The following TG variants were observed in gnomAD, a reference collection of about 807,000 sequenced individuals.
The protein encoded by TG is thyroglobulin.
In TG, 270 loss-of-function variants were observed where a neutral mutation model predicts 324.7. The ratio of observed to expected loss-of-function variants is 0.83; its 90% CI spans 0.75 to 0.92. The LOEUF (loss-of-function observed/expected upper bound fraction) is 0.92. Ranked by LOEUF, TG falls within the 40% of genes least tolerant of loss-of-function variation. The probability of loss-of-function intolerance (pLI) is 0.00; values close to 1 mark genes in which losing one functional copy is unlikely to be tolerated. For missense variants in TG, 3,591 were observed against 3,456.4 expected (o/e 1.04, Z -0.98); for synonymous variants, 1,401 against 1,327.0 (o/e 1.06, Z -1.21).
chr8:132,911,293 C>T (rs1213265745), intron 18 of TG, 84 bp from the exon 19 acceptor site: 91 of 1,612,568 alleles, frequency 5.6e-5, no homozygotes, highest in Non-Finnish European at 7.5e-5. Context: ...GTAACATAAG[C>T]CAAGTTCTGG....
At chr8:132,903,019 A>G (rs1462129064) in intron 16 of TG, among the ~76,000 whole-genome samples, 1 of 152,190 alleles carries the variant, frequency 6.6e-6, no homozygotes, top group Admixed American at 6.5e-5. Flanking sequence ...ACATGTCCAA[A>G]GTCACACGGT....
At chr8:132,960,745 C>G (rs1010183041) in intron 27 of TG, among the ~76,000 whole-genome samples, 6 of 152,164 alleles carry the variant, frequency 3.9e-5, no homozygotes, top group African/African-American at 9.7e-5. Flanking sequence ...TTAAGTGACT[C>G]TCCCGAGTCA....
intron 15 of TG, 119 bp from the exon 16 acceptor site, chr8:132,901,234 T>C: frequency 8.3e-7 from 1 of 1,207,290 alleles, no homozygotes; most frequent in Non-Finnish European, 1.2e-6. Flanking sequence ...CCCAGACCCC[T>C]GGAAGGCCCT....
chr8:132,960,076 T>G (rs1421112948), intron 27 of TG, among the ~76,000 whole-genome samples: 1 of 152,206 alleles, frequency 6.6e-6, no homozygotes, highest in East Asian at 1.9e-4. Context: ...GACAAATACC[T>G]AATGCATGCA....
chr8:132,867,195 C>CTT (rs111987777), intron 1 of TG, 128 bp downstream of exon 1: 69 of 644,936 alleles, frequency 1.1e-4, no homozygotes, highest in Non-Finnish European at 1.3e-4. Context: ...CAGTGATTTG[C>CTT]TTTTTTTTTT....
chr8:132,971,254 G>A (rs1435663209), intron 32 of TG, among the ~76,000 whole-genome samples: 15 of 152,162 alleles, frequency 9.9e-5, no homozygotes, highest in African/African-American at 2.2e-4. Flanking sequence ...CCAGTAAACC[G>A]AAATGCATTG....
intron 41 of TG, among the ~76,000 whole-genome samples, chr8:133,093,146 T>TTCTTTTCTTTTCTTTTCTTTTC (rs879559542): frequency 0.015 from 2,037 of 139,006 alleles, 48 homozygotes; most frequent in African/African-American, 0.05. Context: ...TTTCTTTTTT[T>TTCTTTTCTTTTCTTTTCTTTTC]TTTTTAATTT....
At chr8:132,903,455 C>T (rs974177289) in intron 16 of TG, among the ~76,000 whole-genome samples, 11 of 152,324 alleles carry the variant, frequency 7.2e-5, no homozygotes, top group South Asian at 2.1e-4. Context: ...TGGCCTCTTC[C>T]GATTCCACAG....
intron 5 of TG, among the ~76,000 whole-genome samples, chr8:132,873,719 A>G (rs1250068014): frequency 6.6e-6 from 1 of 152,208 alleles, no homozygotes; most frequent in Non-Finnish European, 1.5e-5. Flanking sequence ...TTTTTAAAGA[A>G]CAAATGAGCA....
chr8:132,937,010 G>A lies in TG; in HGVS notation c.5041+1146G>A, dbSNP rs139449942. ...GGAGTCATGGTGGACCAAGGTCATC[G>A]GCAGATTGGAATGAGGTGACACATG... On this transcript the variant is annotated intron_variant, in intron 25 of 47. Transcript: ENST00000220616. Among the ~76,000 whole-genome samples the A allele has an allele frequency of 9.8e-5, 15 of 152,304 alleles. No homozygotes were observed. The East Asian group carries it at 2.1e-3, about 22-fold the overall frequency.
At chr8:133,091,949 G>C in intron 41 of TG, among the ~76,000 whole-genome samples, 1 of 152,004 alleles carries the variant, frequency 6.6e-6, no homozygotes, top group East Asian at 1.9e-4. Flanking sequence ...GTTTCCATCT[G>C]TGGCTGTGTG....
chr8:132,992,845 C>T (rs1046799927), intron 35 of TG, among the ~76,000 whole-genome samples: 1 of 152,236 alleles, frequency 6.6e-6, no homozygotes, highest in African/African-American at 2.4e-5. Context: ...CCCTGCTGTA[C>T]TGCCTCTGGG....
intron 26 of TG, among the ~76,000 whole-genome samples, chr8:132,944,916 G>C (rs1825010304): frequency 6.6e-6 from 1 of 152,170 alleles, no homozygotes; most frequent in African/African-American, 2.4e-5. Flanking sequence ...GTGGGAAGAG[G>C]GTGCAGGATA....
At chr8:133,005,041 G>A (rs1442705500) in intron 35 of TG, among the ~76,000 whole-genome samples, 1 of 152,216 alleles carries the variant, frequency 6.6e-6, no homozygotes, top group Non-Finnish European at 1.5e-5. Flanking sequence ...CATTCCCTGA[G>A]GAAAGAAAGA....
At chr8:132,991,701 A>G (rs1050995597) in intron 35 of TG, among the ~76,000 whole-genome samples, 13 of 152,016 alleles carry the variant, frequency 8.6e-5, no homozygotes, top group African/African-American at 3.1e-4. Context: ...CAAATGAATC[A>G]TGTTGTTAGC....
chr8:133,079,413 C>A (rs1845408859), intron 41 of TG, among the ~76,000 whole-genome samples: 2 of 152,164 alleles, frequency 1.3e-5, no homozygotes, highest in African/African-American at 4.8e-5. Flanking sequence ...GAAATGTTCC[C>A]CTATGTAAAA....
At chr8:132,999,124 G>A (rs1363397982) in intron 35 of TG, among the ~76,000 whole-genome samples, 1 of 152,150 alleles carries the variant, frequency 6.6e-6, no homozygotes, top group East Asian at 1.9e-4. Context: ...GGAGGCTGGG[G>A]AAGGATGAGA....
At chr8:132,964,607 A>G (rs1828270346) in intron 29 of TG, 2 of 367,390 alleles carry the variant, frequency 5.4e-6, no homozygotes, top group South Asian at 4.5e-5. Flanking sequence ...GATTGGTCTC[A>G]TTGCTTTTAA....
At chr8:132,987,929 C>A (rs1293634243) in intron 35 of TG, among the ~76,000 whole-genome samples, 1 of 152,158 alleles carries the variant, frequency 6.6e-6, no homozygotes, top group African/African-American at 2.4e-5. Flanking sequence ...GCCCTTATCA[C>A]ATAGTATGTA....
Sources: gnomAD v4.1 joint callset for allele counts (sites outside exome capture counted in the v4.1 genomes callset) on GRCh38, gnomAD v4.1.1 for gene constraint, MANE v1.5 for transcripts, NCBI Gene and HGNC (gene_info 2026-07-23, HGNC 2026-07-21) for gene names.